CPVL: variants seen among roughly 807,000 people sequenced by gnomAD.
The protein encoded by CPVL is carboxypeptidase vitellogenic like.
A neutral mutation model predicts 63.7 loss-of-function variants in CPVL; 51 were observed. The ratio of observed to expected loss-of-function variants is 0.80; its 90% CI spans 0.64 to 1.01. The LOEUF (loss-of-function observed/expected upper bound fraction) is 1.01. Among genes scored for constraint, CPVL ranks in the 50% least tolerant of loss-of-function variants. CPVL has a pLI of 0.00. For missense variants in CPVL, 530 were observed against 573.1 expected (o/e 0.92, Z 0.77); for synonymous variants, 195 against 206.0 (o/e 0.95, Z 0.46).
intron 11 of CPVL, among the ~76,000 whole-genome samples, chr7:29,042,694 A>C (rs1789233778): frequency 6.6e-6 from 1 of 152,220 alleles, no homozygotes; most frequent in Non-Finnish European, 1.5e-5. Flanking sequence ...AGAAAGGGAA[A>C]AAATAAAACA....
At chr7:29,141,209 G>A (rs568660598) in intron 1 of CPVL, among the ~76,000 whole-genome samples, 1 of 152,336 alleles carries the variant, frequency 6.6e-6, no homozygotes, top group African/African-American at 2.4e-5. Context: ...ACAGTCAGTA[G>A]CATATAGGAA....
chr7:29,178,384 G>C (rs771706651), intron 5 of CPVL, among the ~76,000 whole-genome samples: 4 of 152,084 alleles, frequency 2.6e-5, no homozygotes, highest in Non-Finnish European at 5.9e-5. Context: ...GTCTTCCTCT[G>C]CGTGCGGTTT....
chr7:29,129,236 T>C (rs1375471294), intron 1 of CPVL, among the ~76,000 whole-genome samples: 1 of 152,094 alleles, frequency 6.6e-6, no homozygotes, highest in Non-Finnish European at 1.5e-5. Context: ...TCAGCTACAT[T>C]GTGAAGGCAG....
At chr7:29,152,760 G>A (rs967402724) in intron 5 of CPVL, among the ~76,000 whole-genome samples, 12 of 152,196 alleles carry the variant, frequency 7.9e-5, no homozygotes, top group African/African-American at 2.9e-4. Flanking sequence ...CTCTTTCGGT[G>A]CACCCCATTG....
chr7:29,096,984 C>CAAAAAAAAAAAAAAAAAAAAAAAAAAA (rs1165892123), intron 3 of CPVL, among the ~76,000 whole-genome samples: 1 of 51,192 alleles, frequency 2.0e-5, no homozygotes, highest in Non-Finnish European at 3.8e-5. Context: ...GACTCTGTCT[C>CAAAAAAAAAAAAAAAAAAAAAAAAAAA]AAAAAAAAAA....
At chr7:29,071,005 C>T (rs1161388413) in intron 9 of CPVL, among the ~76,000 whole-genome samples, 2 of 151,992 alleles carry the variant, frequency 1.3e-5, no homozygotes, top group African/African-American at 4.8e-5. Flanking sequence ...CAGACCTTGC[C>T]TCATTTACTA....
chr7:29,104,942 A>G (rs528805730), intron 3 of CPVL, among the ~76,000 whole-genome samples: 154 of 152,140 alleles, frequency 1.0e-3, no homozygotes, highest in Non-Finnish European at 1.5e-3. Flanking sequence ...ATGGGTGGTG[A>G]TCTATAACAT....
rs146288693 is a variant in CPVL, at chr7:29,106,105, C to G, written c.288+6599G>C. Among the ~76,000 whole-genome samples, 17 of 152,212 alleles carry G rather than the reference C, an allele frequency of 1.1e-4. No individual in the cohort carries two copies. The East Asian group carries it at 3.1e-3, about 28-fold the overall frequency. ...CCTGGTCCAAAGCTGGTCAACCATC[C>G]TTGGGTAAATAGGAACAGGTGGGCT... On this transcript the variant is annotated intron_variant, in intron 3 of 12. Transcript: ENST00000265394.
At chr7:29,123,774 T>C (rs1238178164) in intron 1 of CPVL, among the ~76,000 whole-genome samples, 1 of 149,740 alleles carries the variant, frequency 6.7e-6, no homozygotes, top group African/African-American at 2.4e-5. Flanking sequence ...TCAATCTTCC[T>C]GCTGCCAATC....
chr7:29,037,360 C>T (rs983168533), intron 11 of CPVL, among the ~76,000 whole-genome samples: 1 of 151,098 alleles, frequency 6.6e-6, no homozygotes, highest in Non-Finnish European at 1.5e-5. Context: ...CTGGCTAACA[C>T]GGTGAAACCC....
At chr7:29,052,908 CA>C (rs1363366144) in intron 11 of CPVL, among the ~76,000 whole-genome samples, 1 of 151,922 alleles carries the variant, frequency 6.6e-6, no homozygotes, top group Non-Finnish European at 1.5e-5. Context: ...GTCTCCATCT[CA>C]AACAAACAAA....
intron 12 of CPVL, among the ~76,000 whole-genome samples, chr7:29,029,767 T>C (rs920441647): frequency 6.6e-6 from 1 of 152,190 alleles, no homozygotes; most frequent in East Asian, 1.9e-4. Flanking sequence ...AAGAACGATA[T>C]ATTGTATATT....
chr7:29,100,090 A>G (rs1786942259), intron 3 of CPVL, among the ~76,000 whole-genome samples: 1 of 152,190 alleles, frequency 6.6e-6, no homozygotes. Context: ...TTCACTCAGC[A>G]GTAGGAGCAA....
At chr7:29,133,375 T>C (rs968588190) in intron 1 of CPVL, among the ~76,000 whole-genome samples, 1 of 152,238 alleles carries the variant, frequency 6.6e-6, no homozygotes, top group African/African-American at 2.4e-5. Context: ...TATCGATGCC[T>C]TGCCTTCTGT....
intron 11 of CPVL, among the ~76,000 whole-genome samples, chr7:29,037,271 G>A (rs1468490704): frequency 1.3e-5 from 2 of 152,032 alleles, no homozygotes; most frequent in Admixed American, 6.6e-5. Flanking sequence ...GTGGCCAGGC[G>A]TGGTGGCTCA....
chr7:29,172,821 T>G (rs939063807), intron 5 of CPVL, among the ~76,000 whole-genome samples: 2 of 152,078 alleles, frequency 1.3e-5, no homozygotes, highest in South Asian at 2.1e-4. Context: ...TCACTAGATA[T>G]CTGGAGAAGC....
At chr7:29,190,128 C>G (rs1782705055) in intron 1 of CPVL, among the ~76,000 whole-genome samples, 1 of 152,218 alleles carries the variant, frequency 6.6e-6, no homozygotes. Context: ...CCAATGCGTT[C>G]TCTTTCTCAG....
chr7:29,141,149 G>A (rs1392167810), intron 1 of CPVL, among the ~76,000 whole-genome samples: 1 of 152,206 alleles, frequency 6.6e-6, no homozygotes, highest in Non-Finnish European at 1.5e-5. Flanking sequence ...AAACAGAGGG[G>A]CCACAGTAAG....
intron 5 of CPVL, among the ~76,000 whole-genome samples, chr7:29,163,871 C>A (rs895099704): frequency 6.6e-6 from 1 of 152,274 alleles, no homozygotes; most frequent in East Asian, 1.9e-4. Context: ...CTTTTCATTG[C>A]TGAATTCATT....
Sources: allele counts gnomAD v4.1 joint callset (sites outside exome capture counted in the v4.1 genomes callset), GRCh38; gene constraint gnomAD v4.1.1; transcripts MANE v1.5; gene names NCBI Gene and HGNC (gene_info 2026-07-23, HGNC 2026-07-21).